Variants in KCNIP4 observed in about 807,000 individuals in gnomAD.
KCNIP4 encodes Kv channel-interacting protein 4.
A neutral mutation model predicts 34.0 loss-of-function variants in KCNIP4; 12 were observed. The observed-to-expected ratio is 0.35, with a 90% CI of 0.23 to 0.57. The LOEUF (loss-of-function observed/expected upper bound fraction) is 0.57, where lower values mean the gene tolerates loss of function less well. KCNIP4 is among the 20% of genes least tolerant of loss of function. The probability of loss-of-function intolerance (pLI) is 0.83; values close to 1 mark genes in which losing one functional copy is unlikely to be tolerated. For missense variants in KCNIP4, 238 were observed against 311.7 expected, an observed-to-expected ratio of 0.76 and a Z score of 1.78; for synonymous variants, 124 against 102.2, an observed-to-expected ratio of 1.21 and a Z score of -1.29.
chr4:21,031,098 G>T (rs1388282126), intron 1 of KCNIP4, among the ~76,000 whole-genome samples: 1 of 152,130 alleles, frequency 6.6e-6, no homozygotes, highest in African/African-American at 2.4e-5. Flanking sequence ...CTCCAAGAGG[G>T]TCCTCAAAAG....
rs538046020 is a variant in KCNIP4, at chr4:20,922,688, AAAAT to A, written c.62-39983_62-39980del. On this transcript the variant is annotated intron_variant, in intron 1 of 8. Transcript: ENST00000382152. ...TCTTTATCTGAAAAATTAGAGCATG[AAAAT>A]AAATAAAGAAAAGTTCTTAGAGACT... Among the ~76,000 whole-genome samples, 16 of 152,306 alleles carry A rather than the reference AAAAT, an allele frequency of 1.1e-4. 1 individual carries two copies. In the East Asian group the frequency reaches 2.1e-3, roughly 20 times the overall value.
At chr4:21,406,956 A>G (rs1026470784) in intron 1 of KCNIP4, among the ~76,000 whole-genome samples, 1 of 152,200 alleles carries the variant, frequency 6.6e-6, no homozygotes, top group Admixed American at 6.5e-5. Flanking sequence ...TTGATATCAT[A>G]GAACAAAAAC....
intron 1 of KCNIP4, among the ~76,000 whole-genome samples, chr4:21,316,657 C>G (rs79817761): frequency 6.6e-6 from 1 of 152,144 alleles, no homozygotes; most frequent in Non-Finnish European, 1.5e-5. Context: ...GAGAGTCAGT[C>G]TGATAGCAAG....
chr4:21,372,353 AATAG>A lies in KCNIP4; in HGVS notation c.62-489648_62-489645del, dbSNP rs140861893. On this transcript the variant is annotated intron_variant, in intron 1 of 8. Transcript: ENST00000382152. ...TTTTTTCAAGTTTTCCAGTTTGGTG[AATAG>A]ATAGATAGATAGATAGATAGATAGA... 9.2e-3 allele frequency among the ~76,000 whole-genome samples: 1,279 copies of A among 139,058 alleles called. 126 individuals carry two copies. The highest frequency in any genetic ancestry group is 0.023 in the African/African-American group (737 of 31,776). The allele number at this position is 139,058 out of a possible 152,430, so 91.2% of individuals were successfully genotyped here.
At chr4:21,681,132 T>C (rs571818725) in intron 1 of KCNIP4, among the ~76,000 whole-genome samples, 1 of 152,260 alleles carries the variant, frequency 6.6e-6, no homozygotes, top group East Asian at 1.9e-4. Flanking sequence ...TGGGGTGCAG[T>C]GGCATGATCA....
chr4:21,135,240 G>A (rs1240587452), intron 1 of KCNIP4, among the ~76,000 whole-genome samples: 1 of 152,206 alleles, frequency 6.6e-6, no homozygotes, highest in Non-Finnish European at 1.5e-5. Flanking sequence ...GAGCAGAGGT[G>A]TAGAATGGGT....
At chr4:20,995,713 T>C (rs1371505209) in intron 1 of KCNIP4, among the ~76,000 whole-genome samples, 1 of 152,204 alleles carries the variant, frequency 6.6e-6, no homozygotes, top group Non-Finnish European at 1.5e-5. Context: ...TTCGATGCCA[T>C]CGCTCAGTAA....
intron 1 of KCNIP4, among the ~76,000 whole-genome samples, chr4:21,527,873 C>T: frequency 6.6e-6 from 1 of 152,070 alleles, no homozygotes; most frequent in Non-Finnish European, 1.5e-5. Flanking sequence ...AACTACTGTA[C>T]CACAGGGTCC....
At chr4:20,826,609 C>CAA (rs1295796773) in intron 3 of KCNIP4, among the ~76,000 whole-genome samples, 4 of 151,656 alleles carry the variant, frequency 2.6e-5, no homozygotes, top group African/African-American at 9.7e-5. Context: ...AACAAACAAA[C>CAA]AAACAAACAA....
chr4:21,719,822 G>T (rs931889718), intron 1 of KCNIP4, among the ~76,000 whole-genome samples: 1 of 151,998 alleles, frequency 6.6e-6, no homozygotes, highest in African/African-American at 2.4e-5. Context: ...AATTAGGTGG[G>T]CATGGGAATG....
chr4:20,828,527 A>C (rs1184033857), intron 3 of KCNIP4, among the ~76,000 whole-genome samples: 1 of 152,226 alleles, frequency 6.6e-6, no homozygotes, highest in Non-Finnish European at 1.5e-5. Context: ...AGTCATGTAC[A>C]GAAGGCTGAT....
chr4:21,183,396 G>T (rs1452111660), intron 1 of KCNIP4, among the ~76,000 whole-genome samples: 3 of 150,804 alleles, frequency 2.0e-5, no homozygotes, highest in Non-Finnish European at 3.0e-5. Context: ...AGATTTGCTG[G>T]ATCACATGGA....
chr4:21,088,272 T>C (rs973891740), intron 1 of KCNIP4, among the ~76,000 whole-genome samples: 3 of 151,934 alleles, frequency 2.0e-5, no homozygotes, highest in African/African-American at 7.3e-5. Context: ...TTGTGGGAGG[T>C]AGAACTTTTA....
rs191135097 is a variant in KCNIP4 at position 21,767,002 on chromosome 4, T to C, written c.61+181569A>G. Among the ~76,000 whole-genome samples, 22 of 152,190 alleles carry C rather than the reference T, an allele frequency of 1.4e-4. No homozygotes were observed. The East Asian group carries it at 3.7e-3, about 26-fold the overall frequency. On this transcript the variant is annotated intron_variant, in intron 1 of 8. Coordinates refer to ENST00000382152, the MANE Select transcript of KCNIP4 (RefSeq NM_025221.6). ...AAGGAAACAATGATTTGAGATCAAGTGTCAGGTAGTGATCATGGCAATGAA... is the reference window on the plus strand; with the variant it reads ...AAGGAAACAATGATTTGAGATCAAGCGTCAGGTAGTGATCATGGCAATGAA...
At chr4:21,833,995 C>G (rs1412439933) in intron 1 of KCNIP4, among the ~76,000 whole-genome samples, 3 of 151,930 alleles carry the variant, frequency 2.0e-5, no homozygotes, top group Admixed American at 2.0e-4. Flanking sequence ...GTTACTGTAG[C>G]CTTGTAGTAT....
intron 1 of KCNIP4, among the ~76,000 whole-genome samples, chr4:21,057,591 C>A (rs542527926): frequency 6.6e-6 from 1 of 152,100 alleles, no homozygotes; most frequent in African/African-American, 2.4e-5. Flanking sequence ...GAGAGTCGAA[C>A]AATAGTGTCT....
chr4:21,408,281 C>A (rs1227788529), intron 1 of KCNIP4, among the ~76,000 whole-genome samples: 2 of 152,152 alleles, frequency 1.3e-5, no homozygotes, highest in East Asian at 1.9e-4. Flanking sequence ...CAATTTTATG[C>A]CCTCCAAGGA....
intron 3 of KCNIP4, among the ~76,000 whole-genome samples, chr4:20,794,267 T>C (rs771605852): frequency 6.6e-6 from 1 of 152,166 alleles, no homozygotes; most frequent in Non-Finnish European, 1.5e-5. Context: ...GAGAATCTAA[T>C]GCTGCTGCTG....
At chr4:21,281,503 A>G (rs1418622581) in intron 1 of KCNIP4, among the ~76,000 whole-genome samples, 1 of 152,192 alleles carries the variant, frequency 6.6e-6, no homozygotes, top group Non-Finnish European at 1.5e-5. Flanking sequence ...GAGCAGTGAC[A>G]GACTCACTGT....
Sources: allele counts gnomAD v4.1 joint callset (sites outside exome capture counted in the v4.1 genomes callset), GRCh38; gene constraint gnomAD v4.1.1; transcripts MANE v1.5; gene names NCBI Gene and HGNC (gene_info 2026-07-23, HGNC 2026-07-21).